AOPEP: variants seen among roughly 807,000 people sequenced by gnomAD.
AOPEP encodes aminopeptidase O.
AOPEP carries 77 observed loss-of-function variants against 98.1 expected under a neutral mutation model. The ratio of observed to expected loss-of-function variants is 0.78; its 90% CI spans 0.65 to 0.95. The LOEUF (loss-of-function observed/expected upper bound fraction) is 0.95, where lower values mean the gene tolerates loss of function less well. Among genes scored for constraint, AOPEP ranks in the 40% least tolerant of loss-of-function variants. The pLI, the probability that AOPEP is intolerant of heterozygous loss-of-function variation, is 0.00. For missense variants in AOPEP, 1,024 were observed against 1,024.7 expected (o/e 1.00, Z 0.01); for synonymous variants, 346 against 365.3 (o/e 0.95, Z 0.60).
At chr9:94,952,431 C>T (rs1321459876) in intron 7 of AOPEP, among the ~76,000 whole-genome samples, 1 of 152,224 alleles carries the variant, frequency 6.6e-6, no homozygotes, top group Non-Finnish European at 1.5e-5. Flanking sequence ...TGTCTGTCAA[C>T]ACTCCCTCCC....
intron 10 of AOPEP, among the ~76,000 whole-genome samples, chr9:94,969,726 A>G (rs2059424800): frequency 6.6e-6 from 1 of 152,194 alleles, no homozygotes; most frequent in Non-Finnish European, 1.5e-5. Flanking sequence ...TCTAATAGCA[A>G]AATTGGTATT....
chr9:94,916,289 G>A (rs903150517), intron 5 of AOPEP, among the ~76,000 whole-genome samples: 5 of 152,140 alleles, frequency 3.3e-5, no homozygotes, highest in African/African-American at 7.2e-5. Flanking sequence ...TGTCATCTGC[G>A]TGCTCCAATG....
chr9:94,800,549 A>C (rs140254997), intron 4 of AOPEP, among the ~76,000 whole-genome samples: 1 of 152,212 alleles, frequency 6.6e-6, no homozygotes, highest in Admixed American at 6.5e-5. Context: ...AAGCTAGTCT[A>C]TTGATTCAAA....
At position 95,005,141 on chromosome 9, in the gene AOPEP, G is replaced by C. The variant is rs781733115; in HGVS notation, c.1978-17G>C. The C allele has an allele frequency of 1.8e-6, 2 of 1,135,928 alleles. No homozygotes were observed. The highest frequency in any genetic ancestry group is 7.6e-5 in the Admixed American group (2 of 26,180). The allele number at this position is 1,135,928 out of a possible 1,614,324, so 70.4% of individuals were successfully genotyped here. A position where few individuals can be genotyped will look rare whatever the true frequency, so the allele number is the denominator to read the frequency against. On this transcript the variant is annotated splice_polypyrimidine_tract_variant and intron_variant, in intron 11 of 16. Transcript: ENST00000375315. ...CCGCTCCCGCGGTAAACTTGACTGT[G>C]TCCTCTTCCCCCGCAGCCGCTGCAG...
chr9:95,018,923 G>A (rs2063229107), intron 13 of AOPEP: 1 of 152,216 alleles, frequency 6.6e-6, no homozygotes, highest in Non-Finnish European at 1.5e-5. Context: ...CTTCACAGAA[G>A]GCGGTGGAAG....
intron 11 of AOPEP, among the ~76,000 whole-genome samples, chr9:94,987,462 T>C (rs981044202): frequency 7.2e-5 from 11 of 152,178 alleles, no homozygotes; most frequent in African/African-American, 2.7e-4. Flanking sequence ...ATCTCAGTGC[T>C]GGGAAGCTGA....
intron 10 of AOPEP, among the ~76,000 whole-genome samples, chr9:94,977,275 G>A (rs932155209): frequency 1.2e-4 from 19 of 152,140 alleles, no homozygotes; most frequent in Non-Finnish European, 2.8e-4. Context: ...TGCCCCTGGA[G>A]AGGATAGTTC....
At chr9:94,868,545 C>T (rs10993377) in intron 5 of AOPEP, among the ~76,000 whole-genome samples, 48,647 of 151,966 alleles carry the variant, frequency 0.32, 8,717 homozygotes, top group Non-Finnish European at 0.42. Context: ...TTTGTGTGTC[C>T]CATATTTTCA....
intron 7 of AOPEP, chr9:94,931,820 C>T: frequency 6.5e-7 from 1 of 1,539,196 alleles, no homozygotes; most frequent in Non-Finnish European, 8.8e-7. Flanking sequence ...TCTTAAAGCA[C>T]TTTCTCCTCC....
the AOPEP span, among the ~76,000 whole-genome samples, chr9:95,147,740 T>C: frequency 4.6e-5 from 7 of 152,212 alleles, no homozygotes; most frequent in African/African-American, 9.7e-5. Context: ...AACTGCCACA[T>C]CAGTTTGAGA....
chr9:95,103,647 C>A, the AOPEP span, among the ~76,000 whole-genome samples: 1 of 152,168 alleles, frequency 6.6e-6, no homozygotes, highest in Admixed American at 6.5e-5. Flanking sequence ...AGGAGAACCG[C>A]AGGGACGTTG....
intron 1 of AOPEP, among the ~76,000 whole-genome samples, chr9:94,744,015 G>A (rs187380548): frequency 1.7e-3 from 263 of 152,186 alleles, no homozygotes; most frequent in African/African-American, 6.0e-3. Flanking sequence ...GTCCACACTC[G>A]GTAAAAATGA....
rs1160132501 is a variant in AOPEP, at chr9:95,082,648, G to T, written c.2393G>T (p.Cys798Phe). ...DARQQQLARR[C>F]FERTKEQMDR... Reference sequence around the variant, plus strand: ...AGACAGCAGCAGCTCGCCCGTAGGTGCTTCGAGCGGACCAAGGAGCAGATG... The same window carrying T: ...AGACAGCAGCAGCTCGCCCGTAGGTTCTTCGAGCGGACCAAGGAGCAGATG... The change falls in exon 16 of 17, where the codon TGC (cysteine) becomes TTC (phenylalanine). Residue 798 changes from cysteine to phenylalanine, a missense_variant. Transcript: ENST00000375315. The T allele has an allele frequency of 1.2e-6, 2 of 1,614,226 alleles. No homozygotes were observed. Among genetic ancestry groups the T allele is most frequent in the East Asian group, 2.2e-5 (1 of 44,886 alleles).
At chr9:95,131,282 T>C in the AOPEP span, among the ~76,000 whole-genome samples, 4 of 152,252 alleles carry the variant, frequency 2.6e-5, no homozygotes, top group Admixed American at 2.6e-4. Context: ...CTTCTAGCCT[T>C]GCCCAGTGGC....
chr9:95,131,127 A>T, the AOPEP span, among the ~76,000 whole-genome samples: 1 of 152,234 alleles, frequency 6.6e-6, no homozygotes, highest in African/African-American at 2.4e-5. Flanking sequence ...TAATGCAATT[A>T]TTGTTTAATT....
chr9:94,781,967 G>A (rs995527316), intron 3 of AOPEP, among the ~76,000 whole-genome samples: 2 of 150,988 alleles, frequency 1.3e-5, no homozygotes, highest in African/African-American at 2.4e-5. Context: ...CGAGGCGGGC[G>A]GATCACGAGG....
intron 3 of AOPEP, among the ~76,000 whole-genome samples, chr9:94,777,144 T>G (rs1034753492): frequency 6.6e-5 from 10 of 152,110 alleles, no homozygotes; most frequent in Non-Finnish European, 2.9e-5. Flanking sequence ...GACAGAAAAC[T>G]AATGTTAAGG....
chr9:95,054,894 A>AT (rs1253551687), intron 13 of AOPEP, among the ~76,000 whole-genome samples: 1 of 152,066 alleles, frequency 6.6e-6, no homozygotes, highest in African/African-American at 2.4e-5. Flanking sequence ...TTTGAAGAAA[A>AT]TTTTTTTCCT....
At chr9:94,837,996 G>T (rs1297176421) in intron 5 of AOPEP, among the ~76,000 whole-genome samples, 1 of 152,152 alleles carries the variant, frequency 6.6e-6, no homozygotes, top group Non-Finnish European at 1.5e-5. Flanking sequence ...TGACATGATT[G>T]TATATCTAGA....
Sources: gnomAD v4.1 joint callset for allele counts (sites outside exome capture counted in the v4.1 genomes callset) on GRCh38, gnomAD v4.1.1 for gene constraint, MANE v1.5 for transcripts, NCBI Gene and HGNC (gene_info 2026-07-23, HGNC 2026-07-21) for gene names.